PDZD2: variants seen among roughly 807,000 people sequenced by gnomAD.
The protein encoded by PDZD2 is PDZ domain containing 2.
A neutral mutation model predicts 220.7 loss-of-function variants in PDZD2; 90 were observed. The ratio of observed to expected loss-of-function variants is 0.41; its 90% CI spans 0.34 to 0.49. PDZD2 has a LOEUF of 0.49. PDZD2 is among the 20% of genes least tolerant of loss of function. The pLI is 0.28. For synonymous variants in PDZD2, 1,375 were observed against 1,450.5 expected (o/e 0.95, Z 1.18); for missense variants, 3,174 against 3,608.5 (o/e 0.88, Z 3.08).
intron 3 of PDZD2, among the ~76,000 whole-genome samples, chr5:31,987,614 C>T (rs1045655807): frequency 1.9e-4 from 29 of 152,186 alleles, no homozygotes; most frequent in African/African-American, 7.0e-4. Context: ...GAGTTTTGTG[C>T]CAACTGCCTG....
intron 2 of PDZD2, among the ~76,000 whole-genome samples, chr5:31,804,393 TA>T (rs1754590785): frequency 6.6e-6 from 1 of 152,152 alleles, no homozygotes; most frequent in Non-Finnish European, 1.5e-5. Context: ...CAAGACAGAC[TA>T]GCTTGATTTT....
intron 2 of PDZD2, among the ~76,000 whole-genome samples, chr5:31,944,244 A>C (rs1041956776): frequency 1.3e-5 from 2 of 152,214 alleles, no homozygotes; most frequent in African/African-American, 4.8e-5. Context: ...GAGAGAAGGA[A>C]GAAAAGGAAC....
rs534538105 is a variant in PDZD2 at position 32,092,095 on chromosome 5, G to A, written c.7728-812G>A. On this transcript the variant is annotated intron_variant, in intron 20 of 24. Transcript: ENST00000438447. ...TCAAGACCAGCCTGGCCAACATGGT[G>A]AAACCCCATCTCTACTAAAAATACA... 2.8e-3 allele frequency among the ~76,000 whole-genome samples: 425 copies of A among 152,174 alleles called. 2 individuals carry two copies. The highest frequency in any genetic ancestry group is 9.8e-3 in the African/African-American group (405 of 41,532).
chr5:32,004,934 C>T (rs1462512480), intron 5 of PDZD2, among the ~76,000 whole-genome samples: 2 of 152,188 alleles, frequency 1.3e-5, no homozygotes, highest in Non-Finnish European at 2.9e-5. Flanking sequence ...CTGAAGCTGA[C>T]CCAGGCCTCA....
chr5:31,835,188 C>T (rs556756851), intron 2 of PDZD2, among the ~76,000 whole-genome samples: 1 of 152,262 alleles, frequency 6.6e-6, no homozygotes, highest in South Asian at 2.1e-4. Flanking sequence ...TGTACATAAT[C>T]CAAAGGTAGT....
intron 2 of PDZD2, among the ~76,000 whole-genome samples, chr5:31,943,200 C>T (rs1377877076): frequency 6.8e-5 from 7 of 103,616 alleles, no homozygotes; most frequent in African/African-American, 2.6e-4. Context: ...AAGACTGTGT[C>T]TCCAAAAAAA....
Position 32,091,324 on chromosome 5 carries a change from G to A in PDZD2, c.7727+149G>A, listed in dbSNP as rs530603045. The A allele has an allele frequency of 2.1e-4, 122 of 587,404 alleles. No homozygotes were observed. In the African/African-American group the frequency reaches 2.5e-3, roughly 12 times the overall value. 36.4% of individuals were successfully genotyped at this position (587,404 alleles called of 1,614,324 possible). A position where few individuals can be genotyped will look rare whatever the true frequency, so the allele number is the denominator to read the frequency against. On this transcript the variant is annotated intron_variant, in intron 20 of 24. Transcript: ENST00000438447. ...TTTTGAGATGGAGCATCGCTCTGTCGCCCAGGCTGGAGTGCAATGGCGCGA... is the reference window on the plus strand; with the variant it reads ...TTTTGAGATGGAGCATCGCTCTGTCACCCAGGCTGGAGTGCAATGGCGCGA...
chr5:31,901,772 C>T (rs550170852), intron 2 of PDZD2, among the ~76,000 whole-genome samples: 1 of 152,306 alleles, frequency 6.6e-6, no homozygotes, highest in African/African-American at 2.4e-5. Flanking sequence ...TCCTCACTTC[C>T]CCTACAAACT....
At chr5:31,747,068 G>A (rs1344411079) in intron 1 of PDZD2, among the ~76,000 whole-genome samples, 8 of 152,258 alleles carry the variant, frequency 5.3e-5, no homozygotes, top group East Asian at 1.9e-4. Context: ...CCAGCTACTC[G>A]GGAGGCTGAG....
At chr5:31,942,660 C>A (rs1236091013) in intron 2 of PDZD2, among the ~76,000 whole-genome samples, 1 of 152,172 alleles carries the variant, frequency 6.6e-6, no homozygotes, top group Non-Finnish European at 1.5e-5. Flanking sequence ...TGTAAGACTG[C>A]GTCTCAGTTT....
At chr5:31,852,478 G>T (rs1287239981) in intron 2 of PDZD2, among the ~76,000 whole-genome samples, 2 of 151,926 alleles carry the variant, frequency 1.3e-5, no homozygotes, top group African/African-American at 4.8e-5. Context: ...TAGAGATGGG[G>T]TTTCACCATG....
chr5:31,801,594 C>T (rs1005359478), intron 2 of PDZD2, among the ~76,000 whole-genome samples: 5 of 152,074 alleles, frequency 3.3e-5, no homozygotes, highest in South Asian at 2.1e-4. Flanking sequence ...AGCAGGAGGA[C>T]GAAGTAGTCA....
intron 18 of PDZD2, among the ~76,000 whole-genome samples, chr5:32,077,089 C>T (rs1741369389): frequency 2.0e-5 from 3 of 152,226 alleles, no homozygotes; most frequent in Admixed American, 6.5e-5. Context: ...TCCCTCACTA[C>T]CAAACTAAGG....
At chr5:31,747,043 C>G (rs762345096) in intron 1 of PDZD2, among the ~76,000 whole-genome samples, 1 of 152,044 alleles carries the variant, frequency 6.6e-6, no homozygotes, top group Non-Finnish European at 1.5e-5. Context: ...GGTGTGGTGG[C>G]GGATGCCTGT....
chr5:31,748,306 A>G (rs1750723074), intron 1 of PDZD2, among the ~76,000 whole-genome samples: 1 of 152,100 alleles, frequency 6.6e-6, no homozygotes, highest in Non-Finnish European at 1.5e-5. Flanking sequence ...TGGAGTCAGA[A>G]GCCTTGGATT....
At chr5:31,822,887 C>T in intron 2 of PDZD2, 1 of 809,920 alleles carries the variant, frequency 1.2e-6, no homozygotes, top group Non-Finnish European at 2.1e-6. Flanking sequence ...CCCAGTGTGA[C>T]ACCCTTGATC....
chr5:31,850,263 T>C (rs868497162), intron 2 of PDZD2, among the ~76,000 whole-genome samples: 61 of 135,062 alleles, frequency 4.5e-4, no homozygotes, highest in African/African-American at 1.4e-3. Context: ...CACACACACA[T>C]ATATATACTT....
intron 21 of PDZD2, among the ~76,000 whole-genome samples, chr5:32,094,684 A>AC (rs754156716): frequency 5.5e-5 from 8 of 146,710 alleles, no homozygotes; most frequent in African/African-American, 1.0e-4. Context: ...ACATAGTGAG[A>AC]CCCCTCATCT....
At chr5:31,642,000 T>C (rs1268517720) in intron 1 of PDZD2, among the ~76,000 whole-genome samples, 1 of 151,912 alleles carries the variant, frequency 6.6e-6, no homozygotes, top group African/African-American at 2.4e-5. Context: ...GTGGAAACCC[T>C]CTCCCAGAGG....
Sources: gnomAD v4.1 joint callset for allele counts (sites outside exome capture counted in the v4.1 genomes callset) on GRCh38, gnomAD v4.1.1 for gene constraint, MANE v1.5 for transcripts, NCBI Gene and HGNC (gene_info 2026-07-23, HGNC 2026-07-21) for gene names.